Variants in PCNX1 observed in about 807,000 individuals in gnomAD.
PCNX1 encodes the protein pecanex 1, also known as pecanex-like protein 1.
A neutral mutation model predicts 242.2 loss-of-function variants in PCNX1; 78 were observed. That is an observed-to-expected ratio of 0.32 (90% confidence interval 0.27 to 0.39). PCNX1 has a LOEUF of 0.39. PCNX1 is among the 10% of genes least tolerant of loss of function. The probability of loss-of-function intolerance (pLI) is 1.00; values close to 1 mark genes in which losing one functional copy is unlikely to be tolerated. For synonymous variants in PCNX1, 1,024 were observed against 1,032.9 expected (o/e 0.99, Z 0.17); for missense variants, 2,581 against 2,856.5 (o/e 0.90, Z 2.20).
chr14:71,007,792 AT>A (rs543907802), intron 8 of PCNX1, among the ~76,000 whole-genome samples: 6 of 150,742 alleles, frequency 4.0e-5, no homozygotes, highest in Non-Finnish European at 5.9e-5. Flanking sequence ...GGTATTTTTT[AT>A]TTTTTTTTCG....
At chr14:70,950,774 A>G (rs2057745996) in intron 2 of PCNX1, among the ~76,000 whole-genome samples, 1 of 151,828 alleles carries the variant, frequency 6.6e-6, no homozygotes, top group African/African-American at 2.4e-5. Flanking sequence ...TATATTTGTT[A>G]TTCTGTGAAT....
At chr14:71,102,434 T>A (rs1418094947) in intron 31 of PCNX1, among the ~76,000 whole-genome samples, 1 of 151,962 alleles carries the variant, frequency 6.6e-6, no homozygotes, top group Non-Finnish European at 1.5e-5. Flanking sequence ...TCCGGCTAAT[T>A]TTTGTGTTTT....
intron 24 of PCNX1, chr14:71,053,533 G>T (rs1391418281): frequency 2.0e-5 from 6 of 301,300 alleles, no homozygotes; most frequent in Non-Finnish European, 3.9e-5. Flanking sequence ...GACCAGGCTG[G>T]TCTTGAACTT....
rs372660454 is a variant in PCNX1 at position 71,087,972 on chromosome 14, AAAAG to A, written c.5338-351_5338-348del. Among the ~76,000 whole-genome samples the A allele has an allele frequency of 2.6e-3, 392 of 152,294 alleles. 6 individuals carry two copies. Among genetic ancestry groups the A allele is most frequent in the Non-Finnish European group, 5.9e-4 (40 of 68,030 alleles). ...TCAAAAATAAGTAGTTAATAAAAAA[AAAAG>A]AAAGAAGTAGCTAATAGATAGAAAT... is the stretch of plus-strand genomic sequence containing the variant. On this transcript the variant is annotated intron_variant, in intron 28 of 35. Transcript: ENST00000304743.
At chr14:70,924,789 A>G (rs1566573202) in intron 1 of PCNX1, among the ~76,000 whole-genome samples, 1 of 151,852 alleles carries the variant, frequency 6.6e-6, no homozygotes. Flanking sequence ...GGGTTTTGCT[A>G]TGTTGCCCAG....
chr14:71,049,291 A>AAG (rs1181273262), intron 22 of PCNX1: 1 of 163,810 alleles, frequency 6.1e-6, no homozygotes, highest in Non-Finnish European at 1.3e-5. Flanking sequence ...CAATGAACAA[A>AAG]ATAGAGAAAG....
In PCNX1 at chr14:71,028,708, A is replaced by C. The variant is rs1213302174; in HGVS notation, c.3475A>C (p.Ser1159Arg). ...IHIFGGNATTSLLAALYSFIC... is the reference protein window; with the variant it reads ...IHIFGGNATTRLLAALYSFIC... ...TTCCTTTTCCTGTCTAGCCACTACA[A>C]GCCTGCTTGCAGCACTTTACAGTTT... Residue 1159 changes from serine to arginine, a missense_variant, in exon 16 of 36, where the codon AGC becomes CGC. Ser to Arg is a moderately radical substitution (Grantham distance 110). This residue lies in a region of PCNX1 where 432 missense variants were observed against 443.1 expected (regional missense o/e 0.97). Coordinates refer to ENST00000304743, the MANE Select transcript of PCNX1 (RefSeq NM_014982.3). 2 of 1,602,136 alleles carry C rather than the reference A, an allele frequency of 1.2e-6. No homozygotes were observed. Among genetic ancestry groups the C allele is most frequent in the African/African-American group, 2.7e-5 (2 of 74,476 alleles).
intron 19 of PCNX1, among the ~76,000 whole-genome samples, chr14:71,036,387 G>A (rs2060533250): frequency 1.3e-5 from 2 of 151,862 alleles, no homozygotes; most frequent in Non-Finnish European, 1.5e-5. Context: ...TGTGTTGCCC[G>A]AGCTGGTCTC....
At chr14:71,019,297 G>A (rs2140726239) in intron 12 of PCNX1, 135 bp downstream of exon 12, 1 of 663,952 alleles carries the variant, frequency 1.5e-6, no homozygotes, top group Non-Finnish European at 2.4e-6. Context: ...ATAAGATTGT[G>A]TAGAGAGCAA....
At chr14:71,046,897 C>T in intron 20 of PCNX1, 67 bp from the exon 21 acceptor site, 1 of 1,332,400 alleles carries the variant, frequency 7.5e-7, no homozygotes, top group Admixed American at 2.5e-5. Context: ...TAAAATTTTT[C>T]TTTCTCATCA....
rs1175952036 is a variant in PCNX1 at position 71,113,546 on chromosome 14, C to T, written c.*3611C>T. On this transcript the variant is annotated 3_prime_UTR_variant, in exon 36 of 36. Transcript: ENST00000304743. Reference sequence around the variant, plus strand: ...ATTCCTCTGTGCTTCTGAGCAGCATCCTTCTGCCTCTGCTTAGCAGCTCTG... The same window carrying T: ...ATTCCTCTGTGCTTCTGAGCAGCATTCTTCTGCCTCTGCTTAGCAGCTCTG... 1 of 152,652 alleles carries T rather than the reference C, an allele frequency of 6.6e-6. No individual in the cohort carries two copies. Among genetic ancestry groups the T allele is most frequent in the Non-Finnish European group, 1.5e-5 (1 of 68,028 alleles). 9.5% of individuals were successfully genotyped at this position (152,652 alleles called of 1,614,324 possible).
intron 3 of PCNX1, among the ~76,000 whole-genome samples, chr14:70,967,636 T>G (rs951856127): frequency 1.3e-5 from 2 of 152,208 alleles, no homozygotes; most frequent in African/African-American, 4.8e-5. Flanking sequence ...CATGGATGCC[T>G]TAGACTTTTA....
At position 71,105,461 on chromosome 14, in the gene PCNX1, A is replaced by G. The variant is rs772282150; in HGVS notation, c.6301+21A>G. On this transcript the variant is annotated intron_variant, in intron 33 of 35. Coordinates refer to ENST00000304743, the MANE Select transcript of PCNX1 (RefSeq NM_014982.3). The stretch of plus-strand genomic sequence containing the variant: ...ACTAGGTAATGTGAAACAAAGTTAT[A>G]TGTCTAATGTTAGCTTCTTAGCCAT... 2.5e-6 allele frequency: 4 copies of G among 1,573,854 alleles called. No individual in the cohort carries two copies. The African/African-American group carries it at 5.4e-5, about 21-fold the overall frequency.
chr14:71,003,148 A>G (rs748269914), intron 8 of PCNX1, among the ~76,000 whole-genome samples: 6 of 138,428 alleles, frequency 4.3e-5, no homozygotes, highest in Admixed American at 8.2e-5. Flanking sequence ...CAGTGATGCA[A>G]TCTCAGCTCT....
chr14:70,950,805 G>A (rs1346302120), intron 2 of PCNX1, among the ~76,000 whole-genome samples: 2 of 151,616 alleles, frequency 1.3e-5, no homozygotes, highest in African/African-American at 4.8e-5. Context: ...TCTATTGGTG[G>A]ATTTTTTTTT....
rs2059860039 is a variant in PCNX1, at chr14:71,012,835, A to C, written c.2779-150A>C. On this transcript the variant is annotated intron_variant, in intron 10 of 35. Transcript: ENST00000304743. ...CTCTGTCTCAAAAAAAAAAAAAAAA[A>C]AAAGTGTATGAGAGAAGAAAATTAA... 5.1e-6 allele frequency: 3 copies of C among 590,636 alleles called. No individual in the cohort carries two copies. The South Asian group carries it at 6.2e-5, about 12-fold the overall frequency. The allele number at this position is 590,636 out of a possible 1,614,324, so 36.6% of individuals were successfully genotyped here.
At chr14:70,920,118 A>G (rs2056321809) in intron 1 of PCNX1, among the ~76,000 whole-genome samples, 1 of 152,202 alleles carries the variant, frequency 6.6e-6, no homozygotes, top group Admixed American at 6.5e-5. Context: ...TGCAGTTGTC[A>G]TCTTTAAAAC....
At chr14:70,962,457 T>C (rs2058250283) in intron 3 of PCNX1, 126 bp downstream of exon 3, 1 of 585,590 alleles carries the variant, frequency 1.7e-6, no homozygotes, top group Non-Finnish European at 3.1e-6. Context: ...TAATTGCTTA[T>C]TAATAACATC....
intron 5 of PCNX1, chr14:70,970,004 A>AT (rs2058492765): frequency 6.7e-6 from 1 of 149,436 alleles, no homozygotes; most frequent in African/African-American, 2.5e-5. Context: ...ATACAGGTAC[A>AT]TATGTATGTA....
Sources: allele counts gnomAD v4.1 joint callset (sites outside exome capture counted in the v4.1 genomes callset), GRCh38; gene constraint gnomAD v4.1.1; regional missense constraint gnomAD v4.1.1; transcripts MANE v1.5; gene names NCBI Gene and HGNC (gene_info 2026-07-23, HGNC 2026-07-21).